RAPGEF5: variants seen among roughly 807,000 people sequenced by gnomAD.
RAPGEF5 encodes M-Ras-regulated GEF.
In RAPGEF5, 65 loss-of-function variants were observed where a neutral mutation model predicts 125.2. The ratio of observed to expected loss-of-function variants is 0.52; its 90% CI spans 0.43 to 0.64. RAPGEF5 has a LOEUF of 0.64. Among genes scored for constraint, RAPGEF5 ranks in the 30% least tolerant of loss-of-function variants. The pLI is 0.00. For synonymous variants in RAPGEF5, 391 were observed against 385.9 expected (o/e 1.01, Z -0.16); for missense variants, 958 against 1,048.1 (o/e 0.91, Z 1.19).
intron 8 of RAPGEF5, among the ~76,000 whole-genome samples, chr7:22,225,724 G>A (rs1019489355): frequency 6.6e-6 from 1 of 151,976 alleles, no homozygotes; most frequent in African/African-American, 2.4e-5. Context: ...ATTTCTCTGT[G>A]TAAAATTAAT....
intron 5 of RAPGEF5, among the ~76,000 whole-genome samples, chr7:22,300,925 G>A (rs1783183306): frequency 1.3e-5 from 2 of 152,178 alleles, no homozygotes; most frequent in Non-Finnish European, 1.5e-5. Context: ...GAAAGATGGG[G>A]TTTCTACTAT....
chr7:22,226,057 A>G (rs1182034089), intron 8 of RAPGEF5, among the ~76,000 whole-genome samples: 1 of 152,218 alleles, frequency 6.6e-6, no homozygotes, highest in African/African-American at 2.4e-5. Flanking sequence ...ACAAAAGCAC[A>G]GTTCTTTGTA....
chr7:22,242,953 AAAAAAAAAAAAAG>A (rs1444479925), intron 7 of RAPGEF5, among the ~76,000 whole-genome samples: 2 of 144,746 alleles, frequency 1.4e-5, no homozygotes, highest in African/African-American at 5.7e-5. Context: ...GTCTCAAAAA[AAAAAAAAAAAAAG>A]AAAGAAAGAA....
At position 22,310,013 on chromosome 7, in the gene RAPGEF5, A is replaced by G. The variant is rs370864752; in HGVS notation, c.467T>C (p.Ile156Thr). Residue 156 changes from isoleucine (I) to threonine (T), a missense_variant, in exon 4 of 26, where the codon ATA becomes ACA. Physicochemically the swap from Ile to Thr is moderately conservative, Grantham distance 89. Transcript: ENST00000665637. ...GTCCAGTAGGAGTTGCCAGACTCCTATGGCCATAGATCTGCACTGGACGAA... is the reference window on the plus strand; with the variant it reads ...GTCCAGTAGGAGTTGCCAGACTCCTGTGGCCATAGATCTGCACTGGACGAA... Reference protein sequence around the residue: ...CPFVQCRSMAIGVWQLLLDMG... With the variant: ...CPFVQCRSMATGVWQLLLDMG... 7.7e-5 allele frequency: 123 copies of G among 1,598,320 alleles called. No homozygotes were observed. Among genetic ancestry groups the G allele is most frequent in the Non-Finnish European group, 9.2e-5 (108 of 1,174,630 alleles).
At chr7:22,302,844 G>C (rs142488808) in intron 5 of RAPGEF5, among the ~76,000 whole-genome samples, 8 of 128,954 alleles carry the variant, frequency 6.2e-5, no homozygotes, top group African/African-American at 1.8e-4. Flanking sequence ...AGATCACTTA[G>C]AGAAAAACAA....
At chr7:22,193,649 G>A (rs1028879610) in intron 10 of RAPGEF5, 194 bp from the exon 11 acceptor site, 6 of 1,550,548 alleles carry the variant, frequency 3.9e-6, no homozygotes, top group East Asian at 2.4e-5. Context: ...ACCCTCAGCC[G>A]GGAGCTGCCC....
intron 24 of RAPGEF5, among the ~76,000 whole-genome samples, chr7:22,128,834 C>G (rs959278591): frequency 2.0e-5 from 3 of 152,344 alleles, no homozygotes; most frequent in South Asian, 2.1e-4. Context: ...GCATGCTGAA[C>G]TGCACCCATT....
chr7:22,243,343 G>C (rs1423733595), intron 7 of RAPGEF5, among the ~76,000 whole-genome samples: 2 of 152,160 alleles, frequency 1.3e-5, no homozygotes, highest in Non-Finnish European at 2.9e-5. Context: ...TGCAACCACT[G>C]TCTCCCGGAT....
At chr7:22,284,425 AC>A (rs1782749489) in intron 6 of RAPGEF5, among the ~76,000 whole-genome samples, 1 of 152,142 alleles carries the variant, frequency 6.6e-6, no homozygotes, top group South Asian at 2.1e-4. Flanking sequence ...AAAAGTTGCT[AC>A]CAGAATATGC....
intron 1 of RAPGEF5, among the ~76,000 whole-genome samples, chr7:22,319,107 T>C (rs1783662853): frequency 1.3e-5 from 2 of 152,202 alleles, no homozygotes; most frequent in African/African-American, 4.8e-5. Context: ...ATCACCTACA[T>C]ACGCTTAAGC....
intron 5 of RAPGEF5, among the ~76,000 whole-genome samples, chr7:22,296,660 G>A (rs1030163215): frequency 2.6e-5 from 4 of 152,182 alleles, no homozygotes; most frequent in Admixed American, 6.5e-5. Context: ...TCCCAGCAAA[G>A]CTAGCAGGTA....
At chr7:22,149,918 G>A (rs1458574260) in intron 18 of RAPGEF5, among the ~76,000 whole-genome samples, 1 of 131,562 alleles carries the variant, frequency 7.6e-6, no homozygotes, top group Non-Finnish European at 1.6e-5. Flanking sequence ...CCTCAAGTTG[G>A]ATTGAACTGA....
intron 1 of RAPGEF5, among the ~76,000 whole-genome samples, chr7:22,344,430 T>C (rs1784185491): frequency 6.6e-6 from 1 of 152,060 alleles, no homozygotes; most frequent in Non-Finnish European, 1.5e-5. Flanking sequence ...GAGACACAGC[T>C]GTACTGGAGG....
At chr7:22,177,734 A>C (rs2128120139) in intron 11 of RAPGEF5, among the ~76,000 whole-genome samples, 1 of 152,328 alleles carries the variant, frequency 6.6e-6, no homozygotes. Flanking sequence ...GAGATGAATA[A>C]AGAGAATAAC....
chr7:22,161,010 C>T (rs144046008), intron 13 of RAPGEF5, among the ~76,000 whole-genome samples: 3,479 of 149,146 alleles, frequency 0.023, 47 homozygotes, highest in Middle Eastern at 0.063. Context: ...TCATGCCTAA[C>T]ACAGTGAAAC....
intron 11 of RAPGEF5, among the ~76,000 whole-genome samples, chr7:22,172,863 C>A (rs182784147): frequency 1.3e-5 from 2 of 151,984 alleles, no homozygotes; most frequent in African/African-American, 4.8e-5. Context: ...AAATGCACTG[C>A]GATAATGAAA....
At chr7:22,351,344 G>C (rs1784325435) in intron 1 of RAPGEF5, among the ~76,000 whole-genome samples, 1 of 152,146 alleles carries the variant, frequency 6.6e-6, no homozygotes, top group South Asian at 2.1e-4. Context: ...CATTATTAAT[G>C]GCATTTATTT....
Position 22,211,963 on chromosome 7 carries a change from C to CTTTT in RAPGEF5, c.996+7899_996+7902dup, listed in dbSNP as rs749576250. Among the ~76,000 whole-genome samples, 83 of 114,316 alleles carry CTTTT rather than the reference C, an allele frequency of 7.3e-4. 1 individual carries two copies. Among genetic ancestry groups the CTTTT allele is most frequent in the East Asian group, 8.4e-4 (3 of 3,560 alleles). The allele number at this position is 114,316 out of a possible 152,430, so 75.0% of individuals were successfully genotyped here. ...CCCCTTGTGTTATCACATGTGTTCT[C>CTTTT]TTTTTTTTTTTTTTTTTTTTTTAGA... On this transcript the variant is annotated intron_variant, in intron 9 of 25. Coordinates refer to ENST00000665637, the MANE Select transcript of RAPGEF5 (RefSeq NM_012294.5).
chr7:22,280,255 G>C (rs1782645847), intron 6 of RAPGEF5, among the ~76,000 whole-genome samples: 1 of 152,162 alleles, frequency 6.6e-6, no homozygotes. Flanking sequence ...TGTAACTGTA[G>C]CAGTCAAGAA....
Sources: gnomAD v4.1 joint callset for allele counts (sites outside exome capture counted in the v4.1 genomes callset) on GRCh38, gnomAD v4.1.1 for gene constraint, MANE v1.5 for transcripts, NCBI Gene and HGNC (gene_info 2026-07-23, HGNC 2026-07-21) for gene names.